ZNF385D: variants seen among roughly 807,000 people sequenced by gnomAD.
The protein encoded by ZNF385D is zinc finger protein 385D.
Under a neutral mutation model 35.8 loss-of-function variants are expected in ZNF385D, and 15 were observed. The ratio of observed to expected loss-of-function variants is 0.42; its 90% CI spans 0.28 to 0.64. The LOEUF (loss-of-function observed/expected upper bound fraction) is 0.64. Among genes scored for constraint, ZNF385D ranks in the 30% least tolerant of loss-of-function variants. The probability of loss-of-function intolerance (pLI) is 0.23; values close to 1 mark genes in which losing one functional copy is unlikely to be tolerated. For synonymous variants in ZNF385D, 212 were observed against 186.8 expected (o/e 1.13, Z -1.10); for missense variants, 474 against 494.6 (o/e 0.96, Z 0.39).
intron 2 of ZNF385D, among the ~76,000 whole-genome samples, chr3:21,598,788 A>G (rs1398634833): frequency 6.6e-6 from 1 of 152,220 alleles, no homozygotes; most frequent in Non-Finnish European, 1.5e-5. Flanking sequence ...AATGAGTTTC[A>G]CGACATATGT....
chr3:22,057,006 C>T (rs556967470), intron 3 of ZNF385D, among the ~76,000 whole-genome samples: 2 of 152,232 alleles, frequency 1.3e-5, no homozygotes, highest in Middle Eastern at 3.2e-3. Flanking sequence ...GGAATATATA[C>T]TCCGTTTTCC....
At chr3:22,133,193 C>T (rs1248481608) in intron 3 of ZNF385D, among the ~76,000 whole-genome samples, 1 of 152,128 alleles carries the variant, frequency 6.6e-6, no homozygotes, top group African/African-American at 2.4e-5. Flanking sequence ...GATTTGGATT[C>T]TTAAATATCT....
chr3:21,654,057 T>A (rs1214267480), intron 2 of ZNF385D, among the ~76,000 whole-genome samples: 1 of 151,838 alleles, frequency 6.6e-6, no homozygotes, highest in South Asian at 2.1e-4. Context: ...AATGCCCCAA[T>A]CTATTGTACA....
chr3:21,859,997 A>C (rs549826061), intron 3 of ZNF385D, among the ~76,000 whole-genome samples: 16 of 152,058 alleles, frequency 1.1e-4, no homozygotes, highest in Non-Finnish European at 1.9e-4. Context: ...ATCAGAAATT[A>C]AAAAAGAAAA....
intron 4 of ZNF385D, among the ~76,000 whole-genome samples, chr3:21,456,882 T>C (rs1702860050): frequency 6.6e-6 from 1 of 152,176 alleles, no homozygotes; most frequent in African/African-American, 2.4e-5. Flanking sequence ...ACCATCACTC[T>C]GGATAAAATT....
At chr3:22,134,025 A>G (rs2125691347) in intron 3 of ZNF385D, 1 of 152,286 alleles carries the variant, frequency 6.6e-6, no homozygotes, top group East Asian at 1.9e-4. Context: ...AAACAGACAG[A>G]AAATCAGGGA....
At chr3:22,185,584 C>A (rs1695575280) in intron 2 of ZNF385D, among the ~76,000 whole-genome samples, 1 of 152,164 alleles carries the variant, frequency 6.6e-6, no homozygotes, top group Non-Finnish European at 1.5e-5. Context: ...TCTCCTACCT[C>A]AGCCCCCTGA....
At chr3:21,439,438 A>G (rs1701749361) in intron 4 of ZNF385D, among the ~76,000 whole-genome samples, 1 of 152,026 alleles carries the variant, frequency 6.6e-6, no homozygotes, top group Non-Finnish European at 1.5e-5. Flanking sequence ...ATAACCGTAA[A>G]TACAGATATT....
chr3:21,520,080 G>T (rs1335535559), intron 3 of ZNF385D, among the ~76,000 whole-genome samples: 2 of 152,044 alleles, frequency 1.3e-5, no homozygotes, highest in Non-Finnish European at 2.9e-5. Flanking sequence ...ATGAGCAATA[G>T]CTCTCCTCAC....
At chr3:21,586,204 C>G (rs1051460645) in intron 2 of ZNF385D, among the ~76,000 whole-genome samples, 1 of 151,624 alleles carries the variant, frequency 6.6e-6, no homozygotes, top group African/African-American at 2.4e-5. Context: ...AGACTCTGTC[C>G]CTAAGGGGAA....
At chr3:22,017,284 T>A (rs1156941028) in intron 3 of ZNF385D, among the ~76,000 whole-genome samples, 1 of 152,084 alleles carries the variant, frequency 6.6e-6, no homozygotes, top group Non-Finnish European at 1.5e-5. Flanking sequence ...GAATTTTTCA[T>A]ATAAAATAAC....
intron 3 of ZNF385D, among the ~76,000 whole-genome samples, chr3:21,960,149 C>A (rs1280154506): frequency 6.7e-6 from 1 of 150,262 alleles, no homozygotes; most frequent in Non-Finnish European, 1.5e-5. Flanking sequence ...TTCTATACAT[C>A]CAACAAGAGA....
At chr3:21,925,634 T>A (rs1700687859) in intron 3 of ZNF385D, among the ~76,000 whole-genome samples, 1 of 152,106 alleles carries the variant, frequency 6.6e-6, no homozygotes, top group Non-Finnish European at 1.5e-5. Flanking sequence ...TTGGACTTCA[T>A]CAAACCTACA....
chr3:22,148,591 AG>A (rs921394329), intron 3 of ZNF385D, among the ~76,000 whole-genome samples: 3 of 152,190 alleles, frequency 2.0e-5, no homozygotes, highest in Non-Finnish European at 4.4e-5. Context: ...TCTTCAAAAG[AG>A]GAGCTGCTCT....
intron 3 of ZNF385D, among the ~76,000 whole-genome samples, chr3:21,894,187 A>G (rs1338492819): frequency 6.6e-6 from 1 of 152,166 alleles, no homozygotes; most frequent in Non-Finnish European, 1.5e-5. Flanking sequence ...TTTGAACAAC[A>G]TAACAAGAAA....
intron 3 of ZNF385D, among the ~76,000 whole-genome samples, chr3:22,167,533 G>T (rs189759093): frequency 6.6e-6 from 1 of 152,148 alleles, no homozygotes; most frequent in Non-Finnish European, 1.5e-5. Flanking sequence ...AAGGGCTCAG[G>T]ACCCACCAAT....
chr3:22,121,059 A>G lies in ZNF385D; in HGVS notation c.325+47758T>C, dbSNP rs146925016. ...ATCTAAATTATTTTTATTTAAAGACAGCCTGATAAAGCTGCCTGGTTGTTG... is the reference window on the plus strand; with the variant it reads ...ATCTAAATTATTTTTATTTAAAGACGGCCTGATAAAGCTGCCTGGTTGTTG... On this transcript the variant is annotated intron_variant, in intron 3 of 5. Coordinates refer to the ZNF385D transcript ENST00000494108. 2.5e-3 allele frequency among the ~76,000 whole-genome samples: 386 copies of G among 152,336 alleles called. 1 individual carries two copies. Among genetic ancestry groups the G allele is most frequent in the African/African-American group, 9.0e-3 (373 of 41,588 alleles).
At chr3:21,636,685 C>T (rs2125848565) in intron 2 of ZNF385D, among the ~76,000 whole-genome samples, 1 of 151,820 alleles carries the variant, frequency 6.6e-6, no homozygotes, top group Middle Eastern at 3.4e-3. Context: ...GTGGATCTGC[C>T]TTTCCCAGCC....
chr3:21,445,611 C>T (rs1380795903), intron 4 of ZNF385D, among the ~76,000 whole-genome samples: 1 of 152,100 alleles, frequency 6.6e-6, no homozygotes, highest in Non-Finnish European at 1.5e-5. Context: ...ATGTCAGTGC[C>T]TTAATTTCTA....
Sources: allele counts gnomAD v4.1 joint callset (sites outside exome capture counted in the v4.1 genomes callset), GRCh38; gene constraint gnomAD v4.1.1; transcripts MANE v1.5; gene names NCBI Gene and HGNC (gene_info 2026-07-23, HGNC 2026-07-21).